Variants in FHIT observed in about 807,000 individuals in gnomAD.
FHIT encodes the protein bis(5'-adenosyl)-triphosphatase.
A neutral mutation model predicts 17.9 loss-of-function variants in FHIT; 19 were observed. The ratio of observed to expected loss-of-function variants is 1.06; its 90% CI spans 0.74 to 1.56. The LOEUF is 1.56. FHIT is among the 40% of genes most tolerant of loss of function. The pLI is 0.00. For missense variants in FHIT, 248 were observed against 189.2 expected (o/e 1.31, Z -1.82); for synonymous variants, 81 against 69.7 (o/e 1.16, Z -0.81).
At chr3:60,312,775 C>A (rs575878331) in intron 5 of FHIT, among the ~76,000 whole-genome samples, 1 of 152,162 alleles carries the variant, frequency 6.6e-6, no homozygotes, top group East Asian at 1.9e-4. Context: ...TATATACATA[C>A]GTATATACAC....
intron 4 of FHIT, among the ~76,000 whole-genome samples, chr3:60,706,937 G>T (rs1393815453): frequency 2.6e-5 from 4 of 152,164 alleles, no homozygotes; most frequent in African/African-American, 9.7e-5. Flanking sequence ...AGAATTAATT[G>T]TACTGCTGAA....
chr3:59,929,181 AT>A (rs1385864080), intron 7 of FHIT, among the ~76,000 whole-genome samples: 2 of 151,880 alleles, frequency 1.3e-5, no homozygotes, highest in African/African-American at 4.8e-5. Context: ...GTTTCCAGCA[AT>A]TTGTTATAGC....
chr3:59,894,966 A>G (rs1177146403), intron 8 of FHIT, among the ~76,000 whole-genome samples: 1 of 152,210 alleles, frequency 6.6e-6, no homozygotes, highest in Non-Finnish European at 1.5e-5. Flanking sequence ...GAACTTGGCT[A>G]CACTGTCATC....
chr3:61,127,016 C>T (rs931041145), intron 2 of FHIT, among the ~76,000 whole-genome samples: 3 of 152,170 alleles, frequency 2.0e-5, no homozygotes, highest in African/African-American at 4.8e-5. Flanking sequence ...GAACCACAAG[C>T]GCGGTGGCAG....
chr3:60,531,014 A>G (rs1240928731), intron 5 of FHIT, among the ~76,000 whole-genome samples: 2 of 152,220 alleles, frequency 1.3e-5, no homozygotes, highest in Non-Finnish European at 2.9e-5. Flanking sequence ...TTTGAACACA[A>G]TAATCTGCCA....
intron 8 of FHIT, among the ~76,000 whole-genome samples, chr3:59,891,258 G>A (rs183336423): frequency 3.9e-5 from 6 of 152,318 alleles, no homozygotes; most frequent in African/African-American, 1.4e-4. Flanking sequence ...TATGAGGAAG[G>A]CGTGGCCTCT....
At chr3:60,010,410 C>T (rs1385841305) in intron 7 of FHIT, among the ~76,000 whole-genome samples, 4 of 152,144 alleles carry the variant, frequency 2.6e-5, no homozygotes, top group Admixed American at 1.3e-4. Context: ...AAGTATTTCC[C>T]AGAGATTGTA....
At chr3:60,205,801 C>T (rs1703144118) in intron 5 of FHIT, among the ~76,000 whole-genome samples, 1 of 151,930 alleles carries the variant, frequency 6.6e-6, no homozygotes, top group South Asian at 2.1e-4. Context: ...TTAAAACTTA[C>T]TTTATGTCTT....
intron 3 of FHIT, among the ~76,000 whole-genome samples, chr3:60,891,872 T>A (rs1199150066): frequency 6.6e-6 from 1 of 152,166 alleles, no homozygotes; most frequent in African/African-American, 2.4e-5. Flanking sequence ...TAAAGTTAAG[T>A]GAGCAAACAA....
intron 5 of FHIT, among the ~76,000 whole-genome samples, chr3:60,106,062 T>C (rs922570895): frequency 1.3e-5 from 2 of 152,196 alleles, no homozygotes; most frequent in South Asian, 2.1e-4. Context: ...CTCTGTCTCT[T>C]CTGGAGCGGG....
At chr3:59,865,755 G>A (rs1459899080) in intron 8 of FHIT, among the ~76,000 whole-genome samples, 1 of 152,200 alleles carries the variant, frequency 6.6e-6, no homozygotes, top group Admixed American at 6.5e-5. Flanking sequence ...ATTCAGGCAG[G>A]CGATGGTGGA....
At chr3:60,926,610 A>T (rs1170689320) in intron 3 of FHIT, among the ~76,000 whole-genome samples, 1 of 152,256 alleles carries the variant, frequency 6.6e-6, no homozygotes, top group Non-Finnish European at 1.5e-5. Flanking sequence ...ATCAGGAAAG[A>T]TCTAAAATTG....
At chr3:60,025,731 C>A in intron 5 of FHIT, among the ~76,000 whole-genome samples, 2 of 141,644 alleles carry the variant, frequency 1.4e-5, no homozygotes, top group Non-Finnish European at 1.5e-5. Context: ...GAAAATTCTA[C>A]CAGAAAAAAA....
chr3:61,156,260 T>C (rs1469213438), intron 2 of FHIT, among the ~76,000 whole-genome samples: 2 of 152,206 alleles, frequency 1.3e-5, no homozygotes, highest in African/African-American at 4.8e-5. Context: ...TGAGTATTCC[T>C]AGCAAATCAT....
At chr3:61,221,353 T>A (rs1281784452) in intron 1 of FHIT, among the ~76,000 whole-genome samples, 1 of 152,226 alleles carries the variant, frequency 6.6e-6, no homozygotes, top group Non-Finnish European at 1.5e-5. Flanking sequence ...TAGCCTGAAT[T>A]TGAGAAAAAG....
At chr3:59,865,237 G>T (rs181001227) in intron 8 of FHIT, among the ~76,000 whole-genome samples, 115 of 152,306 alleles carry the variant, frequency 7.6e-4, no homozygotes, top group Middle Eastern at 3.4e-3. Context: ...CATTATTATA[G>T]AAATACATTA....
At chr3:60,186,389 T>C (rs1425891486) in intron 5 of FHIT, among the ~76,000 whole-genome samples, 1 of 152,206 alleles carries the variant, frequency 6.6e-6, no homozygotes, top group Non-Finnish European at 1.5e-5. Context: ...CCTTTCTCCA[T>C]GTAGTCACTT....
chr3:60,607,486 T>A (rs1559576998), intron 4 of FHIT, among the ~76,000 whole-genome samples: 1 of 151,742 alleles, frequency 6.6e-6, no homozygotes, highest in African/African-American at 2.4e-5. Flanking sequence ...CCTACTGAAG[T>A]TGGGGTAATT....
At chr3:60,186,841 T>A (rs1291942444) in intron 5 of FHIT, among the ~76,000 whole-genome samples, 1 of 151,646 alleles carries the variant, frequency 6.6e-6, no homozygotes, top group Non-Finnish European at 1.5e-5. Context: ...AATACCACCA[T>A]CTTTTCATTT....
Sources: gnomAD v4.1 joint callset for allele counts (sites outside exome capture counted in the v4.1 genomes callset) on GRCh38, gnomAD v4.1.1 for gene constraint, MANE v1.5 for transcripts, NCBI Gene and HGNC (gene_info 2026-07-23, HGNC 2026-07-21) for gene names.